TMOD1: variants seen among roughly 807,000 people sequenced by gnomAD.
TMOD1 encodes tropomodulin-1.
Under a neutral mutation model 40.6 loss-of-function variants are expected in TMOD1, and 17 were observed. The ratio of observed to expected loss-of-function variants is 0.42; its 90% confidence interval spans 0.29 to 0.63. TMOD1 has a LOEUF of 0.63. Ranked by LOEUF, TMOD1 falls within the 20% of genes least tolerant of loss-of-function variation. The pLI is 0.22. For missense variants in TMOD1, 391 were observed against 447.6 expected (o/e 0.87, Z 1.14); for synonymous variants, 181 against 175.0 (o/e 1.03, Z -0.27).
intron 8 of TMOD1, among the ~76,000 whole-genome samples, chr9:97,575,025 G>T (rs965443497): frequency 6.6e-6 from 1 of 152,234 alleles, no homozygotes; most frequent in Admixed American, 6.5e-5. Flanking sequence ...AAAGCAGGCT[G>T]CCGGATAACG....
In TMOD1 at chr9:97,515,100, G is replaced by T. The variant is rs189131845; in HGVS notation, c.-48-9041G>T. Among the ~76,000 whole-genome samples, 3 of 151,976 alleles carry T rather than the reference G, an allele frequency of 2.0e-5. No homozygotes were observed. In the East Asian group the frequency reaches 5.8e-4, roughly 30 times the overall value. On this transcript the variant is annotated intron_variant, in intron 1 of 9. Transcript: ENST00000259365. ...ACCTGTAATCCCAGCACTTTGGGAG[G>T]CTGAGGCAAGAGGATTGACTGAGTC... is the stretch of plus-strand genomic sequence containing the variant.
In TMOD1 at chr9:97,599,973, T is replaced by A; in HGVS notation, c.*275T>A. On this transcript the variant is annotated 3_prime_UTR_variant, in exon 10 of 10. Coordinates refer to ENST00000259365, the MANE Select transcript of TMOD1 (RefSeq NM_003275.4). ...CAGCAGATCTTACTGAAGATGATGT[T>A]CCAGCAGCAGCGACTTAGCCCCAGG... 8.2e-7 allele frequency: 1 copy of A among 1,219,796 alleles called. No individual in the cohort carries two copies. 75.6% of individuals were successfully genotyped at this position (1,219,796 alleles called of 1,614,324 possible).
intron 2 of TMOD1, among the ~76,000 whole-genome samples, chr9:97,527,724 C>G (rs1477815292): frequency 1.3e-5 from 2 of 152,150 alleles, no homozygotes; most frequent in Non-Finnish European, 2.9e-5. Flanking sequence ...GGGTCAGAGA[C>G]TCAGAGGGGT....
At chr9:97,503,297 C>T (rs1829535301) in intron 1 of TMOD1, among the ~76,000 whole-genome samples, 1 of 152,186 alleles carries the variant, frequency 6.6e-6, no homozygotes, top group Middle Eastern at 3.2e-3. Context: ...CGATCAATGC[C>T]CCCTCTTCTT....
chr9:97,548,469 AG>A (rs1054403518), intron 3 of TMOD1, among the ~76,000 whole-genome samples: 5 of 152,094 alleles, frequency 3.3e-5, no homozygotes, highest in African/African-American at 9.7e-5. Context: ...GCAGGAGAGA[AG>A]GTGAGGACGA....
intron 8 of TMOD1, among the ~76,000 whole-genome samples, chr9:97,575,945 T>A (rs1830931319): frequency 6.6e-6 from 1 of 152,234 alleles, no homozygotes; most frequent in Non-Finnish European, 1.5e-5. Context: ...TGAAAGCGCC[T>A]ATCTTTCAAC....
chr9:97,508,195 T>TC (rs557233592), intron 1 of TMOD1, among the ~76,000 whole-genome samples: 139 of 151,774 alleles, frequency 9.2e-4, no homozygotes, highest in South Asian at 2.5e-3. Flanking sequence ...TTTCTTTCTT[T>TC]CTTTTTTTTT....
chr9:97,548,112 CTAAT>C (rs1302278684), intron 3 of TMOD1, among the ~76,000 whole-genome samples: 1 of 152,192 alleles, frequency 6.6e-6, no homozygotes, highest in East Asian at 1.9e-4. Context: ...AGCACTAATT[CTAAT>C]TAATTAATTG....
At chr9:97,575,449 G>A (rs1437507494) in intron 8 of TMOD1, among the ~76,000 whole-genome samples, 1 of 152,188 alleles carries the variant, frequency 6.6e-6, no homozygotes, top group East Asian at 1.9e-4. Flanking sequence ...CACCAATTCC[G>A]GACACATAAC....
intron 9 of TMOD1, among the ~76,000 whole-genome samples, chr9:97,594,092 A>G (rs911294897): frequency 6.6e-5 from 10 of 152,160 alleles, no homozygotes; most frequent in African/African-American, 1.7e-4. Flanking sequence ...GCAGGTGGGA[A>G]GCAGAGACCG....
At position 97,511,085 on chromosome 9, in the gene TMOD1, G is replaced by GAC. The variant is rs57982813; in HGVS notation, c.-49+9308_-49+9309dup. The stretch of plus-strand genomic sequence containing the variant: ...ACCCGCGCGCGCACACACACACACA[G>GAC]ACACACACACACACACACACACACA... On this transcript the variant is annotated intron_variant, in intron 1 of 9. Transcript: ENST00000259365. Among the ~76,000 whole-genome samples, 668 of 144,396 alleles carry GAC rather than the reference G, an allele frequency of 4.6e-3. 4 individuals carry two copies. The highest frequency in any genetic ancestry group is 0.018 in the South Asian group (83 of 4,652). The allele number at this position is 144,396 out of a possible 152,430, so 94.7% of individuals were successfully genotyped here. A position where few individuals can be genotyped will look rare whatever the true frequency, so the allele number is the denominator to read the frequency against.
chr9:97,524,359 GAGGGACAGGTGGATGCT>G (rs767178259), intron 2 of TMOD1, 51 bp downstream of exon 2: 1 of 1,594,002 alleles, frequency 6.3e-7, no homozygotes, highest in Non-Finnish European at 8.5e-7. Context: ...GGGACCTGGG[GAGGGACAGGTGGATGCT>G]TCCTAAAGCC....
chr9:97,590,605 A>G (rs1360859632), intron 8 of TMOD1, among the ~76,000 whole-genome samples: 1 of 148,484 alleles, frequency 6.7e-6, no homozygotes, highest in Non-Finnish European at 1.5e-5. Flanking sequence ...TCTTCCCAAC[A>G]TTGTTGGGTC....
intron 9 of TMOD1, among the ~76,000 whole-genome samples, chr9:97,597,742 G>GCA (rs139450043): frequency 7.4e-5 from 11 of 148,674 alleles, no homozygotes; most frequent in South Asian, 4.3e-4. Flanking sequence ...GGGGAACCAT[G>GCA]CACACACACA....
intron 2 of TMOD1, among the ~76,000 whole-genome samples, 189 bp downstream of exon 2, chr9:97,524,497 G>GGTGTGTGTGTGTGTGTGTGTGT (rs71369515): frequency 4.1e-4 from 59 of 143,024 alleles, no homozygotes; most frequent in African/African-American, 1.3e-3. Flanking sequence ...GAACCAATAG[G>GGTGTGTGTGTGTGTGTGTGTGT]GTGTGTGTGT....
At chr9:97,510,761 C>G (rs1287644165) in intron 1 of TMOD1, among the ~76,000 whole-genome samples, 1 of 152,140 alleles carries the variant, frequency 6.6e-6, no homozygotes, top group Non-Finnish European at 1.5e-5. Context: ...CCAAAGAACT[C>G]TGATGGCCTC....
Position 97,583,470 on chromosome 9 carries a change from G to A in TMOD1, c.871-7821G>A, listed in dbSNP as rs1175508062. ...TATTGGTCGAAAATTCTCTTTTTTTGTTGTGTCTCTGCCTGGCTTTGGTAT... is the reference window on the plus strand; with the variant it reads ...TATTGGTCGAAAATTCTCTTTTTTTATTGTGTCTCTGCCTGGCTTTGGTAT... On this transcript the variant is annotated intron_variant, in intron 8 of 9. Transcript: ENST00000259365. Among the ~76,000 whole-genome samples the A allele has an allele frequency of 9.9e-5, 15 of 151,626 alleles. No individual in the cohort carries two copies. In the South Asian group the frequency reaches 1.5e-3, roughly 15 times the overall value.
intron 9 of TMOD1, among the ~76,000 whole-genome samples, chr9:97,593,558 T>C (rs757275840): frequency 6.6e-6 from 1 of 151,908 alleles, no homozygotes; most frequent in Non-Finnish European, 1.5e-5. Context: ...CTGTGCTAGG[T>C]GATATCAGAG....
chr9:97,595,436 T>C (rs1826089752), intron 9 of TMOD1, among the ~76,000 whole-genome samples: 1 of 152,174 alleles, frequency 6.6e-6, no homozygotes, highest in Non-Finnish European at 1.5e-5. Context: ...TCAATTGTTT[T>C]AGATTCCACA....
Sources: gnomAD v4.1 joint callset for allele counts (sites outside exome capture counted in the v4.1 genomes callset) on GRCh38, gnomAD v4.1.1 for gene constraint, MANE v1.5 for transcripts, NCBI Gene and HGNC (gene_info 2026-07-23, HGNC 2026-07-21) for gene names.